The following ZNF678 variants were observed in gnomAD, a reference collection of about 807,000 sequenced individuals.
ZNF678 encodes hypothetical protein MGC42493.
A neutral mutation model predicts 3.0 loss-of-function variants in ZNF678; 5 were observed. The ratio of observed to expected loss-of-function variants is 1.69; its 90% CI spans 0.88 to 3.56. ZNF678 has a LOEUF of 3.56. ZNF678 is among the 30% of genes most tolerant of loss of function. The pLI, the probability that ZNF678 is intolerant of heterozygous loss-of-function variation, is 0.00. For missense variants in ZNF678, 593 were observed against 605.0 expected, an observed-to-expected ratio of 0.98 and a Z score of 0.21; for synonymous variants, 218 against 199.6, an observed-to-expected ratio of 1.09 and a Z score of -0.78.
At chr1:227,617,233 G>A (rs1658163757) in intron 1 of ZNF678, among the ~76,000 whole-genome samples, 1 of 152,172 alleles carries the variant, frequency 6.6e-6, no homozygotes, top group African/African-American at 2.4e-5. Flanking sequence ...CCTGGTTGTT[G>A]TCTAACCCAT....
chr1:227,598,588 A>G, intron 1 of ZNF678: 1 of 655,966 alleles, frequency 1.5e-6, no homozygotes, highest in Non-Finnish European at 2.6e-6. Context: ...TCTGACAAGG[A>G]CTTGGATGAT....
At chr1:227,642,711 C>T (rs189931427) in intron 1 of ZNF678, among the ~76,000 whole-genome samples, 233 of 151,790 alleles carry the variant, frequency 1.5e-3, no homozygotes, top group Non-Finnish European at 2.9e-3. Context: ...TTCTGTGAGA[C>T]ATTTAGGGAT....
At chr1:227,602,342 G>A (rs1425061169) in intron 1 of ZNF678, among the ~76,000 whole-genome samples, 1 of 152,130 alleles carries the variant, frequency 6.6e-6, no homozygotes, top group Non-Finnish European at 1.5e-5. Context: ...AAATTTTTGA[G>A]AATTTTTAGT....
At chr1:227,569,800 C>T (rs186490925) in intron 1 of ZNF678, among the ~76,000 whole-genome samples, 25 of 150,458 alleles carry the variant, frequency 1.7e-4, no homozygotes, top group Admixed American at 1.2e-3. Flanking sequence ...AATTATCCTA[C>T]GTAGGACTTC....
rs1241578074 is a variant in ZNF678 at position 227,563,598 on chromosome 1, G to A, written c.-290G>A. On this transcript the variant is annotated 5_prime_UTR_variant, in exon 1 of 4. Transcript: ENST00000343776. The stretch of plus-strand genomic sequence containing the variant: ...GCTGGAGCTTTGGTCCCGTATTCTC[G>A]GCTATTTATCCCCAGCTGCGGGAGG... 1 of 1,033,992 alleles carries A rather than the reference G, an allele frequency of 9.7e-7. No homozygotes were observed. Among genetic ancestry groups the A allele is most frequent in the Non-Finnish European group, 1.3e-6 (1 of 741,296 alleles). 64.1% of individuals were successfully genotyped at this position (1,033,992 alleles called of 1,614,324 possible).
At chr1:227,611,807 G>A (rs1365319829) in intron 1 of ZNF678, among the ~76,000 whole-genome samples, 1 of 152,120 alleles carries the variant, frequency 6.6e-6, no homozygotes, top group Admixed American at 6.5e-5. Flanking sequence ...CTGAGACCAA[G>A]ACACTGACAG....
At chr1:227,596,172 C>G (rs1016940351) in intron 1 of ZNF678, among the ~76,000 whole-genome samples, 9 of 152,196 alleles carry the variant, frequency 5.9e-5, no homozygotes, top group African/African-American at 2.2e-4. Context: ...TGGTTGGAGT[C>G]CCCCGCAGGG....
At chr1:227,664,077 G>C (rs1375906529), downstream of ZNF678, among the ~76,000 whole-genome samples, 1 of 152,000 alleles carries the variant, frequency 6.6e-6, no homozygotes, top group Non-Finnish European at 1.5e-5. Context: ...TGTCATCACG[G>C]GGACACTTCC....
chr1:227,639,808 G>C (rs1658774160), intron 1 of ZNF678, among the ~76,000 whole-genome samples: 2 of 152,158 alleles, frequency 1.3e-5, no homozygotes, highest in South Asian at 4.1e-4. Flanking sequence ...CGGTCTTCTG[G>C]GGTGAGGCTG....
Position 227,655,810 on chromosome 1 carries a change from A to G in ZNF678, c.1560A>G (p.Lys520=), listed in dbSNP as rs938615939. ...CTGGAGAGGAACCTGACAAATGTAA[A>G]AAATGTGGCAGTCTTTAAAAACTGC... ...IYTGEEPDKC[K]KCGSL is the part of the protein sequence containing the mutation. Residue 520 remains lysine, a synonymous_variant, in exon 4 of 4, where the codon AAA becomes AAG. Coordinates refer to ENST00000343776, the MANE Select transcript of ZNF678 (RefSeq NM_001367909.1). 1.9e-6 allele frequency: 3 copies of G among 1,568,750 alleles called. No individual in the cohort carries two copies. Among genetic ancestry groups the G allele is most frequent in the Non-Finnish European group, 2.6e-6 (3 of 1,162,192 alleles).
chr1:227,578,210 T>C (rs1248389239), intron 1 of ZNF678, among the ~76,000 whole-genome samples: 1 of 152,238 alleles, frequency 6.6e-6, no homozygotes, highest in African/African-American at 2.4e-5. Flanking sequence ...GATGATTATA[T>C]GTCTTAAAGA....
intron 1 of ZNF678, among the ~76,000 whole-genome samples, chr1:227,599,933 C>T (rs569614849): frequency 2.2e-4 from 34 of 152,080 alleles, no homozygotes; most frequent in Non-Finnish European, 3.5e-4. Flanking sequence ...AAGCTTAGTA[C>T]GCATTAGTTA....
At chr1:227,578,533 G>A (rs575793363) in intron 1 of ZNF678, among the ~76,000 whole-genome samples, 18 of 152,180 alleles carry the variant, frequency 1.2e-4, no homozygotes, top group African/African-American at 3.9e-4. Context: ...GGTGTATTCT[G>A]CTATTAATAC....
chr1:227,677,321 A>G (rs1464469417), exon 6 of ZNF678: 1 of 152,242 alleles, frequency 6.6e-6, no homozygotes, highest in Non-Finnish European at 1.5e-5. Flanking sequence ...GCTCCTGACC[A>G]CTAAGATGGC....
At chr1:227,576,045 T>C (rs1195721181) in intron 1 of ZNF678, among the ~76,000 whole-genome samples, 1 of 152,218 alleles carries the variant, frequency 6.6e-6, no homozygotes, top group East Asian at 1.9e-4. Context: ...ATAGATCACA[T>C]TTGTTGATTT....
intron 1 of ZNF678, among the ~76,000 whole-genome samples, chr1:227,593,866 CCTTT>C (rs1558136387): frequency 4.6e-4 from 39 of 85,700 alleles, no homozygotes; most frequent in Non-Finnish European, 4.6e-4. Context: ...CCCCCCCCCC[CCTTT>C]TTTTTTTTTT....
At chr1:227,645,160 T>C (rs1214256624) in intron 1 of ZNF678, among the ~76,000 whole-genome samples, 1 of 152,232 alleles carries the variant, frequency 6.6e-6, no homozygotes, top group African/African-American at 2.4e-5. Flanking sequence ...AGAGTAGCTT[T>C]TTCTGCATTT....
chr1:227,671,967 G>A (rs1659607757), intron 5 of ZNF678, among the ~76,000 whole-genome samples: 1 of 152,222 alleles, frequency 6.6e-6, no homozygotes. Flanking sequence ...CATTCACGCA[G>A]GAGCTGATCT....
At chr1:227,614,412 A>G (rs573385645) in intron 1 of ZNF678, among the ~76,000 whole-genome samples, 2 of 152,230 alleles carry the variant, frequency 1.3e-5, no homozygotes, top group Admixed American at 1.3e-4. Context: ...CTTGACTCCT[A>G]TCCTGCTGGC....
Sources: gnomAD v4.1 joint callset for allele counts (sites outside exome capture counted in the v4.1 genomes callset) on GRCh38, gnomAD v4.1.1 for gene constraint, MANE v1.5 for transcripts, NCBI Gene and HGNC (gene_info 2026-07-23, HGNC 2026-07-21) for gene names.